NCK1: variants seen among roughly 807,000 people sequenced by gnomAD.
NCK1 encodes the protein NCK adaptor protein 1.
Under a neutral mutation model 36.6 loss-of-function variants are expected in NCK1, and 19 were observed. That is an observed-to-expected ratio of 0.52 (90% confidence interval 0.36 to 0.76). NCK1 has a LOEUF of 0.76. Ranked by LOEUF, NCK1 falls within the 30% of genes least tolerant of loss-of-function variation. The pLI is 0.00. For missense variants in NCK1, 358 were observed against 445.6 expected (o/e 0.80, Z 1.77); for synonymous variants, 165 against 156.0 (o/e 1.06, Z -0.43).
chr3:136,930,380 T>C, intron 2 of NCK1: 1 of 1,109,056 alleles, frequency 9.0e-7, no homozygotes, highest in Non-Finnish European at 1.1e-6. Context: ...TGTTATAATT[T>C]AGAGGAAAAA....
At chr3:136,890,274 C>G (rs537725857) in intron 1 of NCK1, among the ~76,000 whole-genome samples, 3 of 152,150 alleles carry the variant, frequency 2.0e-5, no homozygotes, top group Non-Finnish European at 4.4e-5. Context: ...CCGGCAGGGC[C>G]GGCCGGCTGC....
chr3:136,897,293 T>C (rs1022986426), intron 1 of NCK1, among the ~76,000 whole-genome samples: 2 of 152,202 alleles, frequency 1.3e-5, no homozygotes, highest in African/African-American at 2.4e-5. Flanking sequence ...TTTTGCAAAG[T>C]GTTGGCCAGG....
intron 1 of NCK1, among the ~76,000 whole-genome samples, chr3:136,914,699 G>A (rs538113655): frequency 3.9e-5 from 6 of 152,344 alleles, no homozygotes; most frequent in Admixed American, 1.3e-4. Flanking sequence ...GACAACTAAT[G>A]TGACAACTTC....
At chr3:136,879,580 A>C (rs145905741) in intron 1 of NCK1, among the ~76,000 whole-genome samples, 1 of 152,286 alleles carries the variant, frequency 6.6e-6, no homozygotes, top group African/African-American at 2.4e-5. Context: ...TATGTGCACT[A>C]TTCACAATAG....
At chr3:136,862,628 C>A (rs1938261646) in intron 1 of NCK1, among the ~76,000 whole-genome samples, 1 of 151,976 alleles carries the variant, frequency 6.6e-6, no homozygotes, top group Non-Finnish European at 1.5e-5. Context: ...CTGTGTCGGG[C>A]TGAGAGCCCG....
chr3:136,891,717 A>T (rs1041062949), intron 1 of NCK1, among the ~76,000 whole-genome samples: 1 of 152,088 alleles, frequency 6.6e-6, no homozygotes, highest in Non-Finnish European at 1.5e-5. Context: ...TGTCATCATC[A>T]TTTTTTTAAT....
chr3:136,921,235 A>G (rs951152088), intron 1 of NCK1, among the ~76,000 whole-genome samples: 2 of 152,224 alleles, frequency 1.3e-5, no homozygotes, highest in East Asian at 3.8e-4. Context: ...TAGCCAAACT[A>G]CCAGTCATGT....
chr3:136,930,836 G>T (rs1345497899), intron 2 of NCK1, among the ~76,000 whole-genome samples: 1 of 152,088 alleles, frequency 6.6e-6, no homozygotes, highest in African/African-American at 2.4e-5. Flanking sequence ...GGATATAAAT[G>T]GTTTGAGTTT....
At chr3:136,868,394 C>G (rs1359657469) in intron 1 of NCK1, among the ~76,000 whole-genome samples, 2 of 151,836 alleles carry the variant, frequency 1.3e-5, no homozygotes, top group South Asian at 2.1e-4. Context: ...GTGGGGCAAT[C>G]TCGGATCACT....
At chr3:136,909,731 A>G (rs1939785304) in intron 1 of NCK1, among the ~76,000 whole-genome samples, 10 of 152,088 alleles carry the variant, frequency 6.6e-5, no homozygotes, top group Admixed American at 6.5e-4. Flanking sequence ...AAATTCTGTT[A>G]GTTTTTGCTT....
At chr3:136,870,562 A>T (rs1428269181) in intron 1 of NCK1, among the ~76,000 whole-genome samples, 2 of 151,784 alleles carry the variant, frequency 1.3e-5, no homozygotes, top group African/African-American at 4.8e-5. Context: ...ATGCTCTTGA[A>T]TAATATATTT....
chr3:136,923,744 G>C lies in NCK1; in HGVS notation c.-18-4240G>C, dbSNP rs999444262. Among the ~76,000 whole-genome samples, 3 of 152,048 alleles carry C rather than the reference G, an allele frequency of 2.0e-5. No homozygotes were observed. The South Asian group carries it at 6.2e-4, about 32-fold the overall frequency. ...AATATTAAACATAATGTTCAAACAT[G>C]TTTGATATTTAAACATCTACCTTGC... is the stretch of plus-strand genomic sequence containing the variant. On this transcript the variant is annotated intron_variant, in intron 1 of 3. Transcript: ENST00000481752.
At chr3:136,928,346 A>C in intron 2 of NCK1, 119 bp downstream of exon 2, 2 of 931,150 alleles carry the variant, frequency 2.1e-6, no homozygotes, top group African/African-American at 1.7e-5. Context: ...GGGCTAGGTA[A>C]GTTTGAGTCA....
Position 136,946,177 on chromosome 3 carries a change from C to T in NCK1, c.821C>T (p.Thr274Ile), listed in dbSNP as rs1396318188. 1 of 1,613,608 alleles carries T rather than the reference C, an allele frequency of 6.2e-7. No individual in the cohort carries two copies. Among genetic ancestry groups the T allele is most frequent in the Admixed American group, 1.7e-5 (1 of 59,946 alleles). Reference sequence around the variant, plus strand: ...TGTGATTACATTAGGCCTTCACTCACTGGAAAGTTTGCTGGCAATCCTTGG... The same window carrying T: ...TGTGATTACATTAGGCCTTCACTCATTGGAAAGTTTGCTGGCAATCCTTGG... ...PQCDYIRPSLTGKFAGNPWYY... is the reference protein window; with the variant it reads ...PQCDYIRPSLIGKFAGNPWYY... Residue 274 changes from threonine to isoleucine, a missense_variant, in exon 3 of 4, where the codon ACT becomes ATT. Transcript: ENST00000481752.
At chr3:136,927,036 A>G (rs999800756) in intron 1 of NCK1, among the ~76,000 whole-genome samples, 1 of 152,142 alleles carries the variant, frequency 6.6e-6, no homozygotes, top group African/African-American at 2.4e-5. Flanking sequence ...CAGTGGCACG[A>G]TCTTGGCTAA....
chr3:136,902,050 T>A (rs758588289), intron 1 of NCK1, among the ~76,000 whole-genome samples: 9 of 152,260 alleles, frequency 5.9e-5, no homozygotes, highest in Non-Finnish European at 1.2e-4. Flanking sequence ...CGGTATGTTG[T>A]ATTAGATTTT....
intron 1 of NCK1, among the ~76,000 whole-genome samples, chr3:136,888,173 G>A (rs1168259589): frequency 6.6e-6 from 1 of 152,000 alleles, no homozygotes; most frequent in Non-Finnish European, 1.5e-5. Flanking sequence ...TCAAACTCCT[G>A]ACCTCGTGAT....
At chr3:136,944,111 C>CTTTTTTTT (rs1560055771) in intron 2 of NCK1, among the ~76,000 whole-genome samples, 2,809 of 80,806 alleles carry the variant, frequency 0.035, 574 homozygotes, top group African/African-American at 0.12. Flanking sequence ...GGAAAAACAA[C>CTTTTTTTT]CTTTTTTTTT....
At chr3:136,868,162 C>T (rs1316750494) in intron 1 of NCK1, among the ~76,000 whole-genome samples, 1 of 151,806 alleles carries the variant, frequency 6.6e-6, no homozygotes, top group African/African-American at 2.4e-5. Context: ...GTGATCCGCT[C>T]ACCTTGGCTT....
Sources: allele counts gnomAD v4.1 joint callset (sites outside exome capture counted in the v4.1 genomes callset), GRCh38; gene constraint gnomAD v4.1.1; transcripts MANE v1.5; gene names NCBI Gene and HGNC (gene_info 2026-07-23, HGNC 2026-07-21).